Variants in PSG3 observed in about 807,000 individuals in gnomAD.
The protein encoded by PSG3 is pregnancy-specific beta-1-glycoprotein 3.
In PSG3, 61 loss-of-function variants were observed where a neutral mutation model predicts 47.5. The observed-to-expected ratio is 1.28, with a 90% CI of 1.05 to 1.59. PSG3 has a LOEUF of 1.59. Among genes scored for constraint, PSG3 ranks in the 40% most tolerant of loss-of-function variants. PSG3 has a pLI of 0.00. For synonymous variants in PSG3, 263 were observed against 198.4 expected (o/e 1.33, Z -2.74); for missense variants, 756 against 524.0 (o/e 1.44, Z -4.32).
Position 42,729,915 on chromosome 19 carries a change from G to A in PSG3, c.851C>T (p.Pro284Leu), listed in dbSNP as rs1170137885. 3.1e-6 allele frequency: 5 copies of A among 1,612,056 alleles called. No individual in the cohort carries two copies. Among genetic ancestry groups the A allele is most frequent in the Non-Finnish European group, 4.2e-6 (5 of 1,179,838 alleles). ...GTTTTCAATGGGTCGCTTTACCCTG[G>A]GACTGACCGGGAGGCTCTGACCATT... Reference protein sequence around the residue: ...WLNGQSLPVSPRVKRPIENRI... With the variant: ...WLNGQSLPVSLRVKRPIENRI... The change falls in exon 4 of 7, where the codon CCC becomes CTC. Residue 284 changes from proline (P) to leucine (L), a missense_variant. Physicochemically the swap from Pro to Leu is moderately conservative, Grantham distance 98. Transcript: ENST00000327495.
Position 42,733,163 on chromosome 19 carries a change from C to G in PSG3, c.431-101G>C, listed in dbSNP as rs935584766. The G allele has an allele frequency of 5.9e-5, 91 of 1,530,286 alleles. No individual in the cohort carries two copies. The South Asian group carries it at 1.1e-3, about 19-fold the overall frequency. The allele number at this position is 1,530,286 out of a possible 1,614,324, so 94.8% of individuals were successfully genotyped here. A position where few individuals can be genotyped will look rare whatever the true frequency, so the allele number is the denominator to read the frequency against. The stretch of plus-strand genomic sequence containing the variant: ...GGCATTTCCCACCTCTCAGCCCACC[C>G]AAGTCCTTAAAAGCCCATGGCAGGT... On this transcript the variant is annotated intron_variant, in intron 2 of 6. Coordinates refer to ENST00000327495, the MANE Select transcript of PSG3 (RefSeq NM_021016.4).
chr19:42,726,445 C>T lies in PSG3; in HGVS notation c.1244-2420G>A, dbSNP rs1486467341. 2.6e-5 allele frequency among the ~76,000 whole-genome samples: 4 copies of T among 152,052 alleles called. No individual in the cohort carries two copies. The East Asian group carries it at 7.7e-4, about 29-fold the overall frequency. Reference sequence around the variant, plus strand: ...AATAAATAAATTCAGTAATGTTGCACAATACAAAATCAACATTCAAACATC... The same window carrying T: ...AATAAATAAATTCAGTAATGTTGCATAATACAAAATCAACATTCAAACATC... On this transcript the variant is annotated intron_variant, in intron 5 of 6. Transcript: ENST00000327495.
chr19:42,728,406 G>A (rs1428189866), intron 5 of PSG3, among the ~76,000 whole-genome samples: 4 of 152,114 alleles, frequency 2.6e-5, no homozygotes, highest in Non-Finnish European at 4.4e-5. Context: ...TGTGTCCCAG[G>A]TGCTGTGCCC....
rs954431561 is a variant in PSG3 at position 42,732,650 on chromosome 19, A to T, written c.709+134T>A. The T allele has an allele frequency of 2.5e-6, 4 of 1,599,918 alleles. No homozygotes were observed. The African/African-American group carries it at 5.4e-5, about 21-fold the overall frequency. Reference sequence around the variant, plus strand: ...GCCTACTCTGGTTTGCCTGGGGCAGAAAGTCATGGCCAGGTTTGATGTCCA... The same window carrying T: ...GCCTACTCTGGTTTGCCTGGGGCAGTAAGTCATGGCCAGGTTTGATGTCCA... On this transcript the variant is annotated intron_variant, in intron 3 of 6. Coordinates refer to ENST00000327495, the MANE Select transcript of PSG3 (RefSeq NM_021016.4).
chr19:42,737,675 G>T (rs945104561), intron 2 of PSG3, among the ~76,000 whole-genome samples: 6 of 152,182 alleles, frequency 3.9e-5, no homozygotes, highest in Admixed American at 2.6e-4. Flanking sequence ...TGACTATAGG[G>T]TGATTGGAAC....
intron 2 of PSG3, chr19:42,733,717 A>C (rs936556036): frequency 1.9e-5 from 3 of 154,920 alleles, no homozygotes; most frequent in African/African-American, 7.2e-5. Flanking sequence ...AGCAGAGTCC[A>C]AGGAATGACC....
At chr19:42,728,901 G>A (rs574668991) in intron 5 of PSG3, among the ~76,000 whole-genome samples, 68 of 152,078 alleles carry the variant, frequency 4.5e-4, no homozygotes, top group Admixed American at 2.6e-4. Context: ...AGCCCGCTCC[G>A]TACCTTTCTC....
Position 42,739,178 on chromosome 19 carries a change from A to G in PSG3, c.65-89T>C, listed in dbSNP as rs1029631944. ...CCTGGGTCCTGAGAAGGTCTCTTCA[A>G]TCCTCAGCTTTGAAGAGACACACAC... On this transcript the variant is annotated intron_variant, in intron 1 of 6. Coordinates refer to ENST00000327495, the MANE Select transcript of PSG3 (RefSeq NM_021016.4). 1.5e-5 allele frequency: 22 copies of G among 1,464,746 alleles called. 1 individual carries two copies. In the South Asian group the frequency reaches 2.8e-4, roughly 19 times the overall value. 90.7% of individuals were successfully genotyped at this position (1,464,746 alleles called of 1,614,324 possible).
At chr19:42,723,825 G>A (rs987380163) in intron 6 of PSG3, 117 bp downstream of exon 6, 5 of 791,054 alleles carry the variant, frequency 6.3e-6, no homozygotes, top group Non-Finnish European at 1.1e-5. Flanking sequence ...TGAGAAGCAG[G>A]AGTTAGTGGA....
intron 2 of PSG3, chr19:42,733,470 C>T (rs557998668): frequency 9.5e-6 from 2 of 209,628 alleles, no homozygotes; most frequent in Non-Finnish European, 1.9e-5. Context: ...GTTTTCTCTG[C>T]AGCTTCCCTT....
At chr19:42,723,736 G>A (rs1969331590) in intron 6 of PSG3, among the ~76,000 whole-genome samples, 1 of 152,186 alleles carries the variant, frequency 6.6e-6, no homozygotes, top group South Asian at 2.1e-4. Flanking sequence ...GAGAGAGGCT[G>A]GAGATAATTA....
chr19:42,738,328 A>G (rs1485765146), intron 2 of PSG3, among the ~76,000 whole-genome samples: 1 of 152,308 alleles, frequency 6.6e-6, no homozygotes, highest in Non-Finnish European at 1.5e-5. Flanking sequence ...ATTTAGGGAC[A>G]TGGTTCTGGG....
chr19:42,737,753 C>T (rs1425962302), intron 2 of PSG3, among the ~76,000 whole-genome samples: 1 of 152,108 alleles, frequency 6.6e-6, no homozygotes, highest in Non-Finnish European at 1.5e-5. Flanking sequence ...TCATGTGACC[C>T]TGATCTCCCC....
chr19:42,738,570 G>T (rs1285619349), intron 2 of PSG3, among the ~76,000 whole-genome samples, 154 bp downstream of exon 2: 2 of 152,202 alleles, frequency 1.3e-5, no homozygotes, highest in Non-Finnish European at 2.9e-5. Context: ...GTTGAAATTT[G>T]TCTCTTCTGT....
intron 1 of PSG3, 85 bp downstream of exon 1, chr19:42,740,236 T>C (rs1600393899): frequency 4.3e-6 from 7 of 1,610,846 alleles, no homozygotes; most frequent in African/African-American, 1.3e-5. Context: ...TTTTATTTTT[T>C]AGAACCCCAG....
chr19:42,724,483 A>G (rs1248295581), intron 5 of PSG3, among the ~76,000 whole-genome samples: 1 of 152,174 alleles, frequency 6.6e-6, no homozygotes, highest in Non-Finnish European at 1.5e-5. Context: ...CTTCTTTCCT[A>G]CAGGCTCCCA....
rs548645436 is a variant in PSG3 at position 42,738,868 on chromosome 19, T to A, written c.286A>T (p.Ser96Cys). The A allele has an allele frequency of 2.7e-5, 44 of 1,614,178 alleles. No individual in the cohort carries two copies. In the East Asian group the frequency reaches 8.5e-4, roughly 31 times the overall value. ...GQIIIYGPAY[S>C]GRETVYSNAS... ...TTGGAATATACTGTTTCTCGTCCACTGTATGCAGGCCCATATATAATTATT... is the reference window on the plus strand; with the variant it reads ...TTGGAATATACTGTTTCTCGTCCACAGTATGCAGGCCCATATATAATTATT... Residue 96 changes from serine to cysteine, a missense_variant, in exon 2 of 7, where the codon AGT (serine) becomes TGT (cysteine). Coordinates refer to ENST00000327495, the MANE Select transcript of PSG3 (RefSeq NM_021016.4).
At chr19:42,734,621 A>C (rs753963027) in intron 2 of PSG3, among the ~76,000 whole-genome samples, 15 of 152,188 alleles carry the variant, frequency 9.9e-5, no homozygotes, top group Admixed American at 2.0e-4. Context: ...TTGAGACCAA[A>C]ATAAGGTTTA....
intron 5 of PSG3, among the ~76,000 whole-genome samples, chr19:42,727,166 T>A (rs1432439295): frequency 1.3e-5 from 2 of 152,168 alleles, no homozygotes; most frequent in East Asian, 1.9e-4. Context: ...CAAAAACTAT[T>A]CAACTCTTAG....
Sources: allele counts gnomAD v4.1 joint callset (sites outside exome capture counted in the v4.1 genomes callset), GRCh38; gene constraint gnomAD v4.1.1; transcripts MANE v1.5; gene names NCBI Gene and HGNC (gene_info 2026-07-23, HGNC 2026-07-21).